The following ATP2B2 variants were observed in gnomAD, a reference collection of about 807,000 sequenced individuals.
ATP2B2 encodes the protein ATPase plasma membrane Ca2+ transporting 2.
In ATP2B2, 15 loss-of-function variants were observed where a neutral mutation model predicts 120.0. That is an observed-to-expected ratio of 0.12 (90% CI 0.08 to 0.19). The LOEUF is 0.19. Ranked by LOEUF, ATP2B2 falls within the 10% of genes least tolerant of loss-of-function variation. The pLI is 1.00. For synonymous variants in ATP2B2, 694 were observed against 700.3 expected (o/e 0.99, Z 0.14); for missense variants, 1,045 against 1,719.8 (o/e 0.61, Z 6.94).
intron 2 of ATP2B2, among the ~76,000 whole-genome samples, chr3:10,601,747 C>T (rs1381277615): frequency 6.6e-6 from 1 of 152,220 alleles, no homozygotes; most frequent in Non-Finnish European, 1.5e-5. Flanking sequence ...TCACACCTGA[C>T]ATCAGCAAGA....
chr3:10,634,201 T>G (rs191747761), intron 1 of ATP2B2, among the ~76,000 whole-genome samples: 1 of 152,332 alleles, frequency 6.6e-6, no homozygotes, highest in Non-Finnish European at 1.5e-5. Flanking sequence ...CTTATTACTT[T>G]ATTACTTTCA....
rs1017200025 is a variant in ATP2B2 at position 10,420,658 on chromosome 3, G to A, written c.200-9843C>T. On this transcript the variant is annotated intron_variant, in intron 2 of 22. Transcript: ENST00000360273. ...ATTACAGGTATGAGCCACCACGCCC[G>A]GCCTGGGCCTTGGTTTTTTCACGTG... 3.3e-5 allele frequency among the ~76,000 whole-genome samples: 5 copies of A among 152,320 alleles called. No individual in the cohort carries two copies. In the East Asian group the frequency reaches 5.8e-4, roughly 18 times the overall value.
chr3:10,394,857 G>A (rs539081809), intron 5 of ATP2B2, among the ~76,000 whole-genome samples: 11 of 152,068 alleles, frequency 7.2e-5, no homozygotes, highest in Non-Finnish European at 1.2e-4. Context: ...AGACAGCCCC[G>A]CCATCCTGGC....
In ATP2B2 at chr3:10,360,021, G is replaced by A. The variant is rs1360871132; in HGVS notation, c.1762C>T (p.Arg588Cys). Residue 588 changes from arginine (R) to cysteine (C), a missense_variant, in exon 13 of 23, where the codon CGC becomes TGC. Transcript: ENST00000360273. ...LDLKQDYEPV[R>C]SQMPEEKLYK... is the part of the protein sequence containing the mutation. Reference sequence around the variant, plus strand: ...AACTTCTCCTCTGGCATCTGGCTGCGCACGGGCTCGTAGTCCTGCTTCAGG... The same window carrying A: ...AACTTCTCCTCTGGCATCTGGCTGCACACGGGCTCGTAGTCCTGCTTCAGG... 1.9e-6 allele frequency: 3 copies of A among 1,614,154 alleles called. No individual in the cohort carries two copies. Among genetic ancestry groups the A allele is most frequent in the Admixed American group, 1.7e-5 (1 of 60,028 alleles).
chr3:10,402,810 A>G lies in ATP2B2; in HGVS notation c.398-462T>C, dbSNP rs2062268043. On this transcript the variant is annotated intron_variant, in intron 3 of 22. Transcript: ENST00000360273. This position sits in a 1 kb window ranked among gnomAD's most constrained non-coding sequence, Gnocchi z 4.9. The stretch of plus-strand genomic sequence containing the variant: ...TGTCAGAGTTGAAATTTAATGTGGT[A>G]AAGTTCACAGACTCTACAGCACAGA... Among the ~76,000 whole-genome samples, 1 of 152,224 alleles carries G rather than the reference A, an allele frequency of 6.6e-6. No individual in the cohort carries two copies. The highest frequency in any genetic ancestry group is 1.5e-5 in the Non-Finnish European group (1 of 68,042).
chr3:10,543,357 A>G (rs2067478023), intron 2 of ATP2B2, among the ~76,000 whole-genome samples: 1 of 152,198 alleles, frequency 6.6e-6, no homozygotes, highest in African/African-American at 2.4e-5. Flanking sequence ...AGTATCTACA[A>G]TTATCTGAAA....
chr3:10,699,404 G>A lies in ATP2B2; in HGVS notation c.-460+8511C>T, dbSNP rs184398481. Among the ~76,000 whole-genome samples, 145 of 152,306 alleles carry A rather than the reference G, an allele frequency of 9.5e-4. 2 individuals are homozygous for A. The highest frequency in any genetic ancestry group is 1.5e-3 in the Non-Finnish European group (102 of 68,026). ...TAGAAGTATATTTATTGATATTTAA[G>A]ATGACCATTATTACTGAGTGAAAGA... On this transcript the variant is annotated intron_variant, in intron 1 of 21. Transcript: ENST00000646379.
intron 2 of ATP2B2, among the ~76,000 whole-genome samples, chr3:10,615,696 A>G (rs987197311): frequency 5.3e-5 from 8 of 152,306 alleles, no homozygotes; most frequent in African/African-American, 1.7e-4. Flanking sequence ...CCTTCTCTCC[A>G]CCACTGATTT....
intron 2 of ATP2B2, among the ~76,000 whole-genome samples, chr3:10,565,721 G>A (rs889017262): frequency 2.6e-4 from 39 of 152,256 alleles, no homozygotes; most frequent in African/African-American, 7.2e-4. Context: ...AGACAAACCT[G>A]GATTCAAATC....
intron 1 of ATP2B2, among the ~76,000 whole-genome samples, chr3:10,472,016 A>G (rs12631876): frequency 0.36 from 52,994 of 146,832 alleles, 10,721 homozygotes; most frequent in East Asian, 0.92. Context: ...GGGAGGCGGA[A>G]CTTGGAGTGA....
chr3:10,481,240 G>A (rs1003838793), intron 1 of ATP2B2, among the ~76,000 whole-genome samples: 1 of 152,176 alleles, frequency 6.6e-6, no homozygotes, highest in Admixed American at 6.5e-5. Context: ...AACTTGAGTT[G>A]GTATTTATAT....
At chr3:10,455,216 C>A (rs1352234438) in intron 1 of ATP2B2, among the ~76,000 whole-genome samples, 1 of 152,160 alleles carries the variant, frequency 6.6e-6, no homozygotes, top group African/African-American at 2.4e-5. Context: ...GGAAAGATAA[C>A]AAAATCAGCA....
chr3:10,389,655 GAA>G lies in ATP2B2; in HGVS notation c.782-1255_782-1254del, dbSNP rs542944613. Among the ~76,000 whole-genome samples, 30 of 152,352 alleles carry G rather than the reference GAA, an allele frequency of 2.0e-4. 1 individual carries two copies. In the South Asian group the frequency reaches 6.2e-3, roughly 32 times the overall value. ...GTGCAGAGCTTCAGTTTGGGAATAT[GAA>G]AAGAGTTCTGTGGATGGATGGTGGT... On this transcript the variant is annotated intron_variant, in intron 5 of 22. Coordinates refer to ENST00000360273, the MANE Select transcript of ATP2B2 (RefSeq NM_001001331.4).
intron 2 of ATP2B2, among the ~76,000 whole-genome samples, chr3:10,434,646 A>G (rs990023381): frequency 6.6e-6 from 1 of 152,268 alleles, no homozygotes; most frequent in African/African-American, 2.4e-5. Context: ...ACAGTGAGTG[A>G]GCAGAGGAGC....
intron 2 of ATP2B2, among the ~76,000 whole-genome samples, chr3:10,427,674 G>A (rs896044580): frequency 2.6e-4 from 39 of 152,292 alleles, no homozygotes; most frequent in African/African-American, 9.1e-4. Context: ...GGTGGAGGGA[G>A]ACACCTAAAC....
chr3:10,439,530 C>G (rs1008987073), intron 2 of ATP2B2, among the ~76,000 whole-genome samples: 1 of 152,210 alleles, frequency 6.6e-6, no homozygotes, highest in African/African-American at 2.4e-5. Context: ...AGTGTGGCCC[C>G]TGGAAGCCAG....
At position 10,639,779 on chromosome 3, in the gene ATP2B2, G is replaced by C. The variant is rs1023133891; in HGVS notation, c.-459-19818C>G. 3.9e-5 allele frequency among the ~76,000 whole-genome samples: 6 copies of C among 152,194 alleles called. No individual in the cohort carries two copies. In the South Asian group the frequency reaches 6.2e-4, roughly 16 times the overall value. On this transcript the variant is annotated intron_variant, in intron 1 of 21. Coordinates refer to the ATP2B2 transcript ENST00000646379. ...ATGGCAGAGGCCTCAAATCAGAAAG[G>C]GGGTGAGGAAGAAATGCCTGACCTT...
chr3:10,633,426 G>A (rs1160002076), intron 1 of ATP2B2, among the ~76,000 whole-genome samples: 1 of 152,136 alleles, frequency 6.6e-6, no homozygotes, highest in Non-Finnish European at 1.5e-5. Flanking sequence ...CACCCCACTG[G>A]AGAACTGTTA....
intron 1 of ATP2B2, among the ~76,000 whole-genome samples, chr3:10,500,427 C>G (rs891830500): frequency 1.3e-5 from 2 of 151,890 alleles, no homozygotes; most frequent in Non-Finnish European, 2.9e-5. Flanking sequence ...CAGAATGTGA[C>G]CTTGTTTGGA....
Sources: allele counts gnomAD v4.1 joint callset (sites outside exome capture counted in the v4.1 genomes callset), GRCh38; gene constraint gnomAD v4.1.1; non-coding constraint Gnocchi (gnomAD v3.1); transcripts MANE v1.5; gene names NCBI Gene and HGNC (gene_info 2026-07-23, HGNC 2026-07-21).